PSMG3: variants seen among roughly 807,000 people sequenced by gnomAD.
PSMG3 encodes the protein PAC-3.
A neutral mutation model predicts 7.9 loss-of-function variants in PSMG3; 4 were observed. The ratio of observed to expected loss-of-function variants is 0.51; its 90% CI spans 0.25 to 1.16. The LOEUF is 1.16. PSMG3 is among the 50% of genes most tolerant of loss of function. PSMG3 has a pLI of 0.15. For missense variants in PSMG3, 151 were observed against 157.4 expected (o/e 0.96, Z 0.22); for synonymous variants, 81 against 69.8 (o/e 1.16, Z -0.80).
Position 1,569,538 on chromosome 7 carries a change from C to T in PSMG3, c.-199G>A. The T allele has an allele frequency of 2.1e-6, 1 of 475,612 alleles. No homozygotes were observed. Among genetic ancestry groups the T allele is most frequent in the Non-Finnish European group, 3.7e-6 (1 of 267,678 alleles). 29.5% of individuals were successfully genotyped at this position (475,612 alleles called of 1,614,324 possible). A position where few individuals can be genotyped will look rare whatever the true frequency, so the allele number is the denominator to read the frequency against. ...ATCCCGGCACTTTGGGAGGCCGAGA[C>T]AGGACGATCGTTGAGGCCAGGAATT... On this transcript the variant is annotated 5_prime_UTR_variant, in exon 1 of 2. Coordinates refer to ENST00000288607, the MANE Select transcript of PSMG3 (RefSeq NM_032302.4).
Position 1,568,973 on chromosome 7 carries a change from G to A in PSMG3, c.216+151C>T, listed in dbSNP as rs1778824765. The A allele has an allele frequency of 6.2e-6, 4 of 645,312 alleles. No individual in the cohort carries two copies. In the Admixed American group the frequency reaches 1.1e-4, roughly 17 times the overall value. 40.0% of individuals were successfully genotyped at this position (645,312 alleles called of 1,614,324 possible). On this transcript the variant is annotated intron_variant, in intron 1 of 1. Transcript: ENST00000288607. ...TCTCTCTATATATATATTTTGTGTAGGCACTTGTTTTTTTGTAGTGACTTG... is the reference window on the plus strand; with the variant it reads ...TCTCTCTATATATATATTTTGTGTAAGCACTTGTTTTTTTGTAGTGACTTG...
At chr7:1,568,643 C>T (rs1465288841) in intron 1 of PSMG3, among the ~76,000 whole-genome samples, 1 of 150,850 alleles carries the variant, frequency 6.6e-6, no homozygotes, top group Non-Finnish European at 1.5e-5. Flanking sequence ...TTTTTTGTTT[C>T]CTTTTCTTTT....
In PSMG3 at chr7:1,567,665, C is replaced by T. The variant is rs1188595012; in HGVS notation, c.*33G>A. On this transcript the variant is annotated 3_prime_UTR_variant, in exon 2 of 2. Coordinates refer to ENST00000288607, the MANE Select transcript of PSMG3 (RefSeq NM_032302.4). ...AGTGGGTGTCTGGGTGTTCACGTGT[C>T]CTGCTGAGCAGCGCGGGGCGGCTGC... is the stretch of plus-strand genomic sequence containing the variant. 2.5e-6 allele frequency: 4 copies of T among 1,591,408 alleles called. No homozygotes were observed. The highest frequency in any genetic ancestry group is 3.4e-6 in the Non-Finnish European group (4 of 1,168,382).
Position 1,567,401 on chromosome 7 carries a change from GC to G in PSMG3, c.*296del. The stretch of plus-strand genomic sequence containing the variant: ...TACAATTGATCCTGCACACGGGGGG[GC>G]CATGAGCCACGCCTGCTGACTCATT... On this transcript the variant is annotated 3_prime_UTR_variant, in exon 2 of 2. Coordinates refer to ENST00000288607, the MANE Select transcript of PSMG3 (RefSeq NM_032302.4). 3.1e-6 allele frequency: 1 copy of G among 319,816 alleles called. No individual in the cohort carries two copies. Among genetic ancestry groups the G allele is most frequent in the South Asian group, 1.1e-4 (1 of 8,806 alleles). The allele number at this position is 319,816 out of a possible 1,614,324, so 19.8% of individuals were successfully genotyped here.
rs567420652 is a variant in PSMG3, at chr7:1,569,424, C to G, written c.-85G>C. 5.0e-6 allele frequency: 6 copies of G among 1,190,532 alleles called. No individual in the cohort carries two copies. Among genetic ancestry groups the G allele is most frequent in the Non-Finnish European group, 6.9e-6 (6 of 867,578 alleles). 73.7% of individuals were successfully genotyped at this position (1,190,532 alleles called of 1,614,324 possible). A position where few individuals can be genotyped will look rare whatever the true frequency, so the allele number is the denominator to read the frequency against. ...TCAATCAAACAGTACAGCCTTGGGG[C>G]TCCCAAAAAAGTAGCACGGGGCATT... On this transcript the variant is annotated 5_prime_UTR_variant, in exon 1 of 2. Transcript: ENST00000288607.
rs1583238154 is a variant in PSMG3, at chr7:1,567,628, C to G, written c.*70G>C. The G allele has an allele frequency of 1.3e-6, 2 of 1,491,436 alleles. No homozygotes were observed. The highest frequency in any genetic ancestry group is 2.6e-5 in the South Asian group (2 of 76,026). 92.4% of individuals were successfully genotyped at this position (1,491,436 alleles called of 1,614,324 possible). A position where few individuals can be genotyped will look rare whatever the true frequency, so the allele number is the denominator to read the frequency against. ...CCCTCCACCGGGGAGGGAGGTGAGA[C>G]TTGAGTCCCTGAGTGGGTGTCTGGG... On this transcript the variant is annotated 3_prime_UTR_variant, in exon 2 of 2. Transcript: ENST00000288607.
intron 1 of PSMG3, among the ~76,000 whole-genome samples, 183 bp downstream of exon 1, chr7:1,568,941 C>G (rs1778823609): frequency 6.6e-6 from 1 of 152,186 alleles, no homozygotes; most frequent in Non-Finnish European, 1.5e-5. Context: ...AGCCACTGCA[C>G]CCAGCCTCTC....
intron 1 of PSMG3, among the ~76,000 whole-genome samples, chr7:1,568,895 G>A (rs562551561): frequency 1.7e-4 from 26 of 152,162 alleles, no homozygotes; most frequent in Admixed American, 6.5e-4. Flanking sequence ...TGATCTGCCC[G>A]CCTCAGCCTC....
chr7:1,567,736 C>T lies in PSMG3; in HGVS notation c.331G>A (p.Ala111Thr). 6.2e-7 allele frequency: 1 copy of T among 1,614,190 alleles called. No homozygotes were observed. The highest frequency in any genetic ancestry group is 8.5e-7 in the Non-Finnish European group (1 of 1,180,022). ...CACACCCGGATCACCTCCCTCAGCG[C>T]CTTCAGCCCCTCCATGCTTTTGTCC... ...VKDKSMEGLK[A>T]LREVIRVCQV... Residue 111 changes from alanine to threonine, a missense_variant, in exon 2 of 2, where the codon GCG (alanine) becomes ACG (threonine). Coordinates refer to ENST00000288607, the MANE Select transcript of PSMG3 (RefSeq NM_032302.4).
intron 1 of PSMG3, among the ~76,000 whole-genome samples, chr7:1,568,544 C>A (rs1010739248): frequency 1.3e-5 from 2 of 151,974 alleles, no homozygotes; most frequent in Non-Finnish European, 2.9e-5. Context: ...TGGCTCACTG[C>A]AGCCTCAACC....
Position 1,569,387 on chromosome 7 carries a change from G to GA in PSMG3, c.-49dup. 1 of 1,451,856 alleles carries GA rather than the reference G, an allele frequency of 6.9e-7. No individual in the cohort carries two copies. The highest frequency in any genetic ancestry group is 9.3e-7 in the Non-Finnish European group (1 of 1,075,940). 89.9% of individuals were successfully genotyped at this position (1,451,856 alleles called of 1,614,324 possible). On this transcript the variant is annotated 5_prime_UTR_variant, in exon 1 of 2. It removes the in-frame stop codon of an upstream open reading frame in the 5' UTR. Coordinates refer to ENST00000288607, the MANE Select transcript of PSMG3 (RefSeq NM_032302.4). ...TTTAATTTAGGTTAAAAAGAAAGGG[G>GA]AAAAAAAGGAGTCAATCAAACAGTA...
In PSMG3 at chr7:1,569,065, G is replaced by A; in HGVS notation, c.216+59C>T. The stretch of plus-strand genomic sequence containing the variant: ...GGCCTCAAGCGATCTGCCCGCCTAG[G>A]CCTCTGAAAGTGCTAGGGTTACAGG... On this transcript the variant is annotated intron_variant, in intron 1 of 1. Transcript: ENST00000288607. 5 of 1,467,314 alleles carry A rather than the reference G, an allele frequency of 3.4e-6. No homozygotes were observed. In the Admixed American group the frequency reaches 5.1e-5, roughly 15 times the overall value. 90.9% of individuals were successfully genotyped at this position (1,467,314 alleles called of 1,614,324 possible).
In PSMG3 at chr7:1,567,401, G is replaced by A. The variant is rs544809432; in HGVS notation, c.*297C>T. On this transcript the variant is annotated 3_prime_UTR_variant, in exon 2 of 2. Coordinates refer to ENST00000288607, the MANE Select transcript of PSMG3 (RefSeq NM_032302.4). ...TACAATTGATCCTGCACACGGGGGG[G>A]CCATGAGCCACGCCTGCTGACTCAT... 1.3e-5 allele frequency: 4 copies of A among 319,698 alleles called. No individual in the cohort carries two copies. The highest frequency in any genetic ancestry group is 5.2e-5 in the East Asian group (1 of 19,064). 19.8% of individuals were successfully genotyped at this position (319,698 alleles called of 1,614,324 possible). A position where few individuals can be genotyped will look rare whatever the true frequency, so the allele number is the denominator to read the frequency against.
rs373889261 is a variant in PSMG3, at chr7:1,567,728, C to A, written c.339G>T (p.Arg113Ser). 6.2e-7 allele frequency: 1 copy of A among 1,614,182 alleles called. No homozygotes were observed. The highest frequency in any genetic ancestry group is 2.2e-5 in the East Asian group (1 of 44,880). The change falls in exon 2 of 2, where the codon AGG becomes AGT. Residue 113 changes from arginine to serine, a missense_variant. Coordinates refer to ENST00000288607, the MANE Select transcript of PSMG3 (RefSeq NM_032302.4). ...DKSMEGLKALREVIRVCQVW is the reference protein window; with the variant it reads ...DKSMEGLKALSEVIRVCQVW ...ACACCTGGCACACCCGGATCACCTC[C>A]CTCAGCGCCTTCAGCCCCTCCATGC...
chr7:1,567,638 T>A lies in PSMG3; in HGVS notation c.*60A>T. 6.6e-7 allele frequency: 1 copy of A among 1,525,442 alleles called. No homozygotes were observed. Among genetic ancestry groups the A allele is most frequent in the Non-Finnish European group, 8.8e-7 (1 of 1,132,626 alleles). 94.5% of individuals were successfully genotyped at this position (1,525,442 alleles called of 1,614,324 possible). A position where few individuals can be genotyped will look rare whatever the true frequency, so the allele number is the denominator to read the frequency against. On this transcript the variant is annotated 3_prime_UTR_variant, in exon 2 of 2. Coordinates refer to ENST00000288607, the MANE Select transcript of PSMG3 (RefSeq NM_032302.4). ...GGGAGGGAGGTGAGACTTGAGTCCCTGAGTGGGTGTCTGGGTGTTCACGTG... is the reference window on the plus strand; with the variant it reads ...GGGAGGGAGGTGAGACTTGAGTCCCAGAGTGGGTGTCTGGGTGTTCACGTG...
chr7:1,569,358 C>G lies in PSMG3; in HGVS notation c.-19G>C. On this transcript the variant is annotated 5_prime_UTR_variant, in exon 1 of 2. Coordinates refer to ENST00000288607, the MANE Select transcript of PSMG3 (RefSeq NM_032302.4). The stretch of plus-strand genomic sequence containing the variant: ...CTTCCATGGCGGGGCTCTGCAGTGG[C>G]AGCTTTAATTTAGGTTAAAAAGAAA... 1 of 1,570,478 alleles carries G rather than the reference C, an allele frequency of 6.4e-7. No homozygotes were observed. Among genetic ancestry groups the G allele is most frequent in the Non-Finnish European group, 8.7e-7 (1 of 1,154,356 alleles).
In PSMG3 at chr7:1,569,317, A is replaced by G. The variant is rs762333373; in HGVS notation, c.23T>C (p.Ile8Thr). The G allele has an allele frequency of 5.6e-6, 9 of 1,610,030 alleles. No individual in the cohort carries two copies. The highest frequency in any genetic ancestry group is 7.6e-6 in the Non-Finnish European group (9 of 1,178,624). ...CACCACCTCCGTCTTCTGCTTCGAT[A>G]TCACCAACGGCGTGTCTTCCATGGC... MEDTPLV[I>T]SKQKTEVVCG... Residue 8 changes from isoleucine (I) to threonine (T), a missense_variant, in exon 1 of 2, where the codon ATA becomes ACA. Physicochemically the swap from Ile to Thr is moderately conservative, Grantham distance 89. Transcript: ENST00000288607.
rs530369426 is a variant in PSMG3 at position 1,568,980 on chromosome 7, G to A, written c.216+144C>T. On this transcript the variant is annotated intron_variant, in intron 1 of 1. Transcript: ENST00000288607. ...ATATATATATTTTGTGTAGGCACTT[G>A]TTTTTTTGTAGTGACTTGTGTGTGT... 1.0e-5 allele frequency: 7 copies of A among 673,024 alleles called. No homozygotes were observed. The East Asian group carries it at 1.3e-4, about 12-fold the overall frequency. 41.7% of individuals were successfully genotyped at this position (673,024 alleles called of 1,614,324 possible). A position where few individuals can be genotyped will look rare whatever the true frequency, so the allele number is the denominator to read the frequency against.
chr7:1,568,711 G>A (rs1193120239), intron 1 of PSMG3, among the ~76,000 whole-genome samples: 2 of 151,678 alleles, frequency 1.3e-5, no homozygotes, highest in Non-Finnish European at 2.9e-5. Context: ...GCTGTGGCAC[G>A]ATCTTAGCTC....
Sources: allele counts gnomAD v4.1 joint callset (sites outside exome capture counted in the v4.1 genomes callset), GRCh38; gene constraint gnomAD v4.1.1; transcripts MANE v1.5; gene names NCBI Gene and HGNC (gene_info 2026-07-23, HGNC 2026-07-21).